Variants in HHIP observed in about 807,000 individuals in gnomAD.
HHIP encodes the protein hedgehog interacting protein.
A neutral mutation model predicts 74.0 loss-of-function variants in HHIP; 12 were observed. That is an observed-to-expected ratio of 0.16 (90% CI 0.10 to 0.26). The LOEUF (loss-of-function observed/expected upper bound fraction) is 0.26. HHIP is among the 10% of genes least tolerant of loss of function. HHIP has a pLI of 1.00. For missense variants in HHIP, 788 were observed against 845.0 expected (o/e 0.93, Z 0.84); for synonymous variants, 309 against 311.6 (o/e 0.99, Z 0.09).
intron 4 of HHIP, among the ~76,000 whole-genome samples, chr4:144,669,611 T>C (rs1728975484): frequency 6.6e-6 from 1 of 152,264 alleles, no homozygotes; most frequent in Middle Eastern, 3.4e-3. Context: ...ATCATACCTC[T>C]ATGTAGTAGA....
At chr4:144,667,029 T>A (rs1015258139) in intron 4 of HHIP, among the ~76,000 whole-genome samples, 1 of 152,194 alleles carries the variant, frequency 6.6e-6, no homozygotes, top group African/African-American at 2.4e-5. Context: ...CAGTGACCAC[T>A]GCTAGCAATA....
chr4:144,704,896 A>G (rs528574221), intron 4 of HHIP, among the ~76,000 whole-genome samples: 2 of 152,338 alleles, frequency 1.3e-5, no homozygotes, highest in African/African-American at 4.8e-5. Flanking sequence ...ATTTTTATTT[A>G]ATGAAGATTT....
intron 11 of HHIP, 111 bp downstream of exon 11, chr4:144,719,067 C>T: frequency 1.4e-6 from 1 of 724,216 alleles, no homozygotes; most frequent in Non-Finnish European, 2.4e-6. Context: ...AAGATGTACA[C>T]TTTTACCATT....
intron 1 of HHIP, 22 bp from the exon 2 acceptor site, chr4:144,652,583 G>A (rs1020883343): frequency 6.6e-7 from 1 of 1,516,958 alleles, no homozygotes; most frequent in Non-Finnish European, 9.0e-7. Flanking sequence ...AAAAAAGTTT[G>A]CTTCTGATTT....
intron 4 of HHIP, among the ~76,000 whole-genome samples, chr4:144,692,724 T>C (rs1382785424): frequency 6.6e-6 from 1 of 152,204 alleles, no homozygotes; most frequent in African/African-American, 2.4e-5. Flanking sequence ...GGCTGTGGTA[T>C]ATTTTAACAA....
chr4:144,713,087 T>G (rs544916205), intron 8 of HHIP, among the ~76,000 whole-genome samples: 1 of 152,264 alleles, frequency 6.6e-6, no homozygotes, highest in South Asian at 2.1e-4. Context: ...ACTACATTTA[T>G]TTATTTTAAA....
intron 4 of HHIP, among the ~76,000 whole-genome samples, chr4:144,663,893 G>T (rs115545400): frequency 0.035 from 5,356 of 152,276 alleles, 108 homozygotes; most frequent in Middle Eastern, 0.045. Context: ...TCACCAAAAT[G>T]CCCCTGACTG....
At chr4:144,732,822 G>A (rs563205776) in intron 11 of HHIP, among the ~76,000 whole-genome samples, 1 of 152,250 alleles carries the variant, frequency 6.6e-6, no homozygotes, top group Non-Finnish European at 1.5e-5. Flanking sequence ...CTATTTCTGG[G>A]TCTCTTTTCT....
intron 5 of HHIP, 122 bp from the exon 6 acceptor site, chr4:144,706,965 A>G (rs1730165353): frequency 2.5e-6 from 2 of 810,182 alleles, no homozygotes; most frequent in Non-Finnish European, 3.9e-6. Flanking sequence ...CATTTCAAAT[A>G]TATGTTTCCT....
intron 4 of HHIP, among the ~76,000 whole-genome samples, chr4:144,696,866 A>G (rs185098630): frequency 1.4e-4 from 22 of 152,070 alleles, no homozygotes; most frequent in African/African-American, 5.1e-4. Flanking sequence ...TAGAGTCAGT[A>G]CCTCCACTGT....
chr4:144,711,983 C>T lies in HHIP; in HGVS notation c.1335C>T (p.Asn445=). The T allele has an allele frequency of 6.2e-7, 1 of 1,611,464 alleles. No individual in the cohort carries two copies. The highest frequency in any genetic ancestry group is 8.5e-7 in the Non-Finnish European group (1 of 1,177,946). The change falls in exon 8 of 13, where the codon AAC becomes AAT. Residue 445 remains asparagine, a synonymous_variant. Transcript: ENST00000296575. ...CAVDRHPTDI[N]INLTILCSDS... is the part of the protein sequence containing the mutation. ...TGGATAGACATCCCACTGATATAAA[C>T]ATCAATTTAACGATACTGTGTTCAG...
At chr4:144,715,270 T>C (rs2126665540) in intron 9 of HHIP, 30 bp from the exon 10 acceptor site, 2 of 1,601,088 alleles carry the variant, frequency 1.2e-6, no homozygotes, top group Non-Finnish European at 1.7e-6. Context: ...TGTGTATTCA[T>C]TGTAGCTTTA....
intron 4 of HHIP, among the ~76,000 whole-genome samples, chr4:144,672,339 G>A (rs1560700551): frequency 6.6e-6 from 1 of 152,170 alleles, no homozygotes; most frequent in Non-Finnish European, 1.5e-5. Context: ...AACATGTAGT[G>A]AGATTTCAGG....
intron 4 of HHIP, among the ~76,000 whole-genome samples, chr4:144,673,965 G>C (rs1218681160): frequency 1.3e-5 from 2 of 152,190 alleles, no homozygotes; most frequent in Non-Finnish European, 2.9e-5. Flanking sequence ...GAGTAAATTA[G>C]ATGTGAAAAA....
intron 4 of HHIP, among the ~76,000 whole-genome samples, chr4:144,668,671 G>A (rs971949368): frequency 6.6e-6 from 1 of 152,012 alleles, no homozygotes; most frequent in Non-Finnish European, 1.5e-5. Context: ...AGAATCGCTT[G>A]AACCTGGGAG....
Position 144,738,023 on chromosome 4 carries a change from A to C in HHIP, c.*66A>C. Reference sequence around the variant, plus strand: ...ATTTTTTATCCTGTCATTAAAAAAAAAAGACTGTTATCCTGCTACACACTC... The same window carrying C: ...ATTTTTTATCCTGTCATTAAAAAAACAAGACTGTTATCCTGCTACACACTC... On this transcript the variant is annotated 3_prime_UTR_variant, in exon 13 of 13. Transcript: ENST00000296575. The C allele has an allele frequency of 6.8e-7, 1 of 1,469,500 alleles. No homozygotes were observed. The highest frequency in any genetic ancestry group is 9.0e-7 in the Non-Finnish European group (1 of 1,115,366). 91.0% of individuals were successfully genotyped at this position (1,469,500 alleles called of 1,614,324 possible). A position where few individuals can be genotyped will look rare whatever the true frequency, so the allele number is the denominator to read the frequency against.
intron 4 of HHIP, among the ~76,000 whole-genome samples, chr4:144,701,214 C>G (rs1729973882): frequency 6.6e-6 from 1 of 152,096 alleles, no homozygotes; most frequent in African/African-American, 2.4e-5. Context: ...TCATTCATAC[C>G]TGTGTGCTTG....
At chr4:144,685,009 C>T (rs1239423265) in intron 4 of HHIP, among the ~76,000 whole-genome samples, 1 of 152,158 alleles carries the variant, frequency 6.6e-6, no homozygotes, top group Non-Finnish European at 1.5e-5. Flanking sequence ...ACAAGATAGC[C>T]CAAGAACAGC....
At position 144,652,753 on chromosome 4, in the gene HHIP, A is replaced by C. The variant is rs1454576315; in HGVS notation, c.428A>C (p.Asp143Ala). 1 of 1,603,746 alleles carries C rather than the reference A, an allele frequency of 6.2e-7. No individual in the cohort carries two copies. Among genetic ancestry groups the C allele is most frequent in the Non-Finnish European group, 8.5e-7 (1 of 1,177,330 alleles). ...CTAGTACTTCCTCTGCTCTGCAAAG[A>C]CTATTGCAAAGAATTCTTTTACACT... ...RDLVLPLLCK[D>A]YCKEFFYTCR... The change falls in exon 2 of 13, where the codon GAC (aspartate) becomes GCC (alanine). Residue 143 changes from aspartate (D) to alanine (A), a missense_variant. Around this residue, in one of 3 missense-constraint regions of HHIP, gnomAD observed 373 missense variants for 366.4 expected, o/e 1.02. Coordinates refer to ENST00000296575, the MANE Select transcript of HHIP (RefSeq NM_022475.3).
Sources: allele counts gnomAD v4.1 joint callset (sites outside exome capture counted in the v4.1 genomes callset), GRCh38; gene constraint gnomAD v4.1.1; regional missense constraint gnomAD v4.1.1; transcripts MANE v1.5; gene names NCBI Gene and HGNC (gene_info 2026-07-23, HGNC 2026-07-21).